The following ENTREP2 variants were observed in gnomAD, a reference collection of about 807,000 sequenced individuals.
The protein encoded by ENTREP2 is protein ENTREP2.
At chr15:29,444,475 CTTTTTTTTCTTT>C in the ENTREP2 span, among the ~76,000 whole-genome samples, 52 of 140,232 alleles carry the variant, frequency 3.7e-4, no homozygotes, top group East Asian at 2.0e-4. Flanking sequence ...TTCTTTTTTT[CTTTTTTTTCTTT>C]TTTTTTTTCT....
At chr15:29,254,491 T>C in the ENTREP2 span, among the ~76,000 whole-genome samples, 1 of 152,184 alleles carries the variant, frequency 6.6e-6, no homozygotes, top group Non-Finnish European at 1.5e-5. Flanking sequence ...TTTGAACTGC[T>C]TGTAACATCT....
chr15:29,422,779 G>C, the ENTREP2 span, among the ~76,000 whole-genome samples: 1 of 152,214 alleles, frequency 6.6e-6, no homozygotes, highest in Non-Finnish European at 1.5e-5. Flanking sequence ...TTAGGTAAGA[G>C]AGAAAGAACA....
the ENTREP2 span, among the ~76,000 whole-genome samples, chr15:29,426,678 C>T: frequency 6.6e-6 from 1 of 152,146 alleles, no homozygotes; most frequent in East Asian, 1.9e-4. Context: ...CTGCACTTGA[C>T]AGTCTCTTCT....
chr15:29,196,436 G>A, the ENTREP2 span: 1 of 1,551,310 alleles, frequency 6.4e-7, no homozygotes, highest in African/African-American at 1.4e-5. Flanking sequence ...TCACCTTCAA[G>A]GTCAGCCTCA....
the ENTREP2 span, among the ~76,000 whole-genome samples, chr15:29,616,202 A>G: frequency 6.6e-6 from 1 of 152,244 alleles, no homozygotes; most frequent in Non-Finnish European, 1.5e-5. Context: ...TTTGTGCAAC[A>G]GAGCATTTCC....
At chr15:29,646,109 T>A in the ENTREP2 span, among the ~76,000 whole-genome samples, 1 of 152,194 alleles carries the variant, frequency 6.6e-6, no homozygotes, top group Non-Finnish European at 1.5e-5. Context: ...TAAGAGTGCT[T>A]GGCTATGTCT....
chr15:29,577,218 C>T, the ENTREP2 span, among the ~76,000 whole-genome samples: 545 of 151,976 alleles, frequency 3.6e-3, 4 homozygotes, highest in African/African-American at 0.013. Context: ...ATGGTGCAGC[C>T]ACTGTGGAAA....
chr15:29,620,257 G>C, the ENTREP2 span, among the ~76,000 whole-genome samples: 1 of 152,102 alleles, frequency 6.6e-6, no homozygotes, highest in Non-Finnish European at 1.5e-5. Context: ...AGGAGAAGCT[G>C]GTGCCTTTGC....
the ENTREP2 span, among the ~76,000 whole-genome samples, chr15:29,292,943 T>C: frequency 0.016 from 2,411 of 152,352 alleles, 39 homozygotes; most frequent in South Asian, 0.064. Context: ...TCAAAACTTA[T>C]GGCTTCTCAA....
At chr15:29,161,771 C>G in the ENTREP2 span, among the ~76,000 whole-genome samples, 1 of 152,154 alleles carries the variant, frequency 6.6e-6, no homozygotes, top group South Asian at 2.1e-4. Context: ...TTCACCTTCA[C>G]CTTTAAGTAA....
the ENTREP2 span, among the ~76,000 whole-genome samples, chr15:29,208,879 ATGAG>A: frequency 6.6e-6 from 1 of 152,342 alleles, no homozygotes; most frequent in African/African-American, 2.4e-5. Flanking sequence ...TTGCAACAAG[ATGAG>A]TGAATCTAAC....
At chr15:29,211,728 GA>G in the ENTREP2 span, among the ~76,000 whole-genome samples, 1 of 152,288 alleles carries the variant, frequency 6.6e-6, no homozygotes, top group East Asian at 1.9e-4. Flanking sequence ...TGCATCTGTT[GA>G]GATGATCATG....
At chr15:29,648,724 G>A in the ENTREP2 span, among the ~76,000 whole-genome samples, 2 of 152,042 alleles carry the variant, frequency 1.3e-5, no homozygotes, top group African/African-American at 4.8e-5. Flanking sequence ...GATCACCTGA[G>A]GTCAGGAGTT....
At chr15:29,179,163 G>C in the ENTREP2 span, among the ~76,000 whole-genome samples, 1 of 152,198 alleles carries the variant, frequency 6.6e-6, no homozygotes, top group Non-Finnish European at 1.5e-5. Context: ...TTCAGGCTAG[G>C]ATGGTAATGG....
the ENTREP2 span, among the ~76,000 whole-genome samples, chr15:29,412,590 G>A: frequency 3.3e-5 from 5 of 151,878 alleles, no homozygotes; most frequent in Non-Finnish European, 4.4e-5. Context: ...CTATAAATCT[G>A]TCCATTACAT....
chr15:29,155,118 T>C, the ENTREP2 span, among the ~76,000 whole-genome samples: 5,683 of 122,418 alleles, frequency 0.046, 325 homozygotes, highest in African/African-American at 0.13. Context: ...CCGTCTCTAC[T>C]AAAAATACAA....
chr15:29,378,212 T>TAAA, the ENTREP2 span, among the ~76,000 whole-genome samples: 14,603 of 145,466 alleles, frequency 0.1, 1,216 homozygotes, highest in African/African-American at 0.23. Context: ...TAAAAACTCT[T>TAAA]AAAAAAAAAA....
the ENTREP2 span, among the ~76,000 whole-genome samples, chr15:29,392,901 C>T: frequency 6.6e-6 from 1 of 152,174 alleles, no homozygotes; most frequent in Non-Finnish European, 1.5e-5. Flanking sequence ...CTGTGTCTTC[C>T]AGATCATCAA....
chr15:29,558,135 C>A, the ENTREP2 span, among the ~76,000 whole-genome samples: 3 of 152,190 alleles, frequency 2.0e-5, no homozygotes, highest in Admixed American at 2.0e-4. Context: ...ATAAAATACT[C>A]CCCTCCCCAG....
Sources: gnomAD v4.1 joint callset for allele counts (sites outside exome capture counted in the v4.1 genomes callset) on GRCh38, gnomAD v4.1.1 for gene constraint, MANE v1.5 for transcripts, NCBI Gene and HGNC (gene_info 2026-07-23, HGNC 2026-07-21) for gene names.